The following DIAPH3 variants were observed in gnomAD, a reference collection of about 807,000 sequenced individuals.
The protein encoded by DIAPH3 is protein diaphanous homolog 3.
A neutral mutation model predicts 144.3 loss-of-function variants in DIAPH3; 117 were observed. That is an observed-to-expected ratio of 0.81 (90% confidence interval 0.70 to 0.95). The LOEUF is 0.95. Ranked by LOEUF, DIAPH3 falls within the 40% of genes least tolerant of loss-of-function variation. The pLI, the probability that DIAPH3 is intolerant of heterozygous loss-of-function variation, is 0.00. For missense variants in DIAPH3, 1,421 were observed against 1,412.7 expected (o/e 1.01, Z -0.09); for synonymous variants, 519 against 488.9 (o/e 1.06, Z -0.81).
chr13:59,909,015 A>C (rs1448868102), intron 20 of DIAPH3, among the ~76,000 whole-genome samples: 1 of 152,184 alleles, frequency 6.6e-6, no homozygotes, highest in Non-Finnish European at 1.5e-5. Context: ...ATCTAGGCTA[A>C]ATCAAGAAGT....
chr13:59,693,229 AC>A (rs2033631384), intron 27 of DIAPH3, among the ~76,000 whole-genome samples: 1 of 152,150 alleles, frequency 6.6e-6, no homozygotes. Context: ...CTGGACTGAG[AC>A]GGAAGAGGTA....
chr13:59,973,246 TACAA>T (rs1375466389), intron 15 of DIAPH3, among the ~76,000 whole-genome samples: 1 of 152,144 alleles, frequency 6.6e-6, no homozygotes, highest in African/African-American at 2.4e-5. Flanking sequence ...TCTGGAGATT[TACAA>T]ACAAACCTTC....
intron 17 of DIAPH3, among the ~76,000 whole-genome samples, chr13:59,964,459 C>A (rs2049942975): frequency 2.0e-5 from 3 of 151,892 alleles, no homozygotes. Context: ...TATAGGGATT[C>A]AAAACAGACA....
In DIAPH3 at chr13:59,861,201, C is replaced by T. The variant is rs897507138; in HGVS notation, c.2737+206G>A. The T allele has an allele frequency of 3.4e-6, 5 of 1,451,748 alleles. No individual in the cohort carries two copies. In the Admixed American group the frequency reaches 7.8e-5, roughly 23 times the overall value. The allele number at this position is 1,451,748 out of a possible 1,614,324, so 89.9% of individuals were successfully genotyped here. A position where few individuals can be genotyped will look rare whatever the true frequency, so the allele number is the denominator to read the frequency against. ...AAACAAAGTATTTTATAATATAAGG[C>T]CTCATCATCTAACTAAACAAATTAA... On this transcript the variant is annotated intron_variant, in intron 22 of 27. Coordinates refer to ENST00000400324, the MANE Select transcript of DIAPH3 (RefSeq NM_001042517.2).
At chr13:60,089,931 T>C (rs1443735595) in intron 4 of DIAPH3, among the ~76,000 whole-genome samples, 6 of 152,160 alleles carry the variant, frequency 3.9e-5, no homozygotes, top group African/African-American at 7.2e-5. Context: ...ATCAGGACTC[T>C]TTAACAGCGG....
intron 24 of DIAPH3, among the ~76,000 whole-genome samples, chr13:59,820,415 T>C (rs563879819): frequency 6.6e-6 from 1 of 152,074 alleles, no homozygotes; most frequent in South Asian, 2.1e-4. Context: ...TATATGCACA[T>C]TGTTTTTAAT....
chr13:60,144,270 T>C (rs1951405329), intron 1 of DIAPH3, among the ~76,000 whole-genome samples: 1 of 152,160 alleles, frequency 6.6e-6, no homozygotes, highest in South Asian at 2.1e-4. Context: ...AGATGGAGCC[T>C]GCCATGGATA....
At chr13:60,078,338 A>T (rs1276881470) in intron 4 of DIAPH3, among the ~76,000 whole-genome samples, 1 of 152,168 alleles carries the variant, frequency 6.6e-6, no homozygotes, top group African/African-American at 2.4e-5. Flanking sequence ...AAGAGAGAAC[A>T]GGAGCTGGTT....
In DIAPH3 at chr13:59,987,164, A is replaced by T. The variant is rs368586436; in HGVS notation, c.1362-3277T>A. On this transcript the variant is annotated intron_variant, in intron 12 of 27. Transcript: ENST00000400324. ...GCAGCCATAAAAAATGATGAGTTCA[A>T]GTCCTTTGTAGGGACATGGATGAAA... Among the ~76,000 whole-genome samples the T allele has an allele frequency of 2.2e-3, 328 of 151,698 alleles. 2 individuals carry two copies. Among genetic ancestry groups the T allele is most frequent in the African/African-American group, 7.1e-3 (295 of 41,406 alleles).
chr13:59,811,211 A>T (rs1017465338), intron 24 of DIAPH3, among the ~76,000 whole-genome samples: 2 of 149,322 alleles, frequency 1.3e-5, no homozygotes, highest in African/African-American at 2.5e-5. Context: ...AACTGAAAAT[A>T]AAAAAAAAAC....
intron 17 of DIAPH3, among the ~76,000 whole-genome samples, chr13:59,936,394 G>C (rs2140356375): frequency 6.6e-6 from 1 of 151,910 alleles, no homozygotes; most frequent in South Asian, 2.1e-4. Context: ...GGTCTCCTTG[G>C]GTATAATCAC....
chr13:59,941,687 CA>C (rs1848522393), intron 17 of DIAPH3, among the ~76,000 whole-genome samples: 6 of 152,132 alleles, frequency 3.9e-5, no homozygotes, highest in Middle Eastern at 3.4e-3. Flanking sequence ...AGTCAGCGGA[CA>C]TATTTTCAAA....
At chr13:60,069,461 G>T (rs952880599) in intron 4 of DIAPH3, among the ~76,000 whole-genome samples, 2 of 152,106 alleles carry the variant, frequency 1.3e-5, no homozygotes, top group African/African-American at 4.8e-5. Context: ...CTTTTGCTGT[G>T]AGGGTGCTCT....
At chr13:60,140,003 T>G (rs2138299855) in intron 1 of DIAPH3, among the ~76,000 whole-genome samples, 1 of 152,292 alleles carries the variant, frequency 6.6e-6, no homozygotes, top group African/African-American at 2.4e-5. Context: ...TTTCATTGTC[T>G]GGAGAAGGCT....
At chr13:59,678,995 G>A (rs1338788339) in intron 27 of DIAPH3, among the ~76,000 whole-genome samples, 1 of 152,158 alleles carries the variant, frequency 6.6e-6, no homozygotes, top group African/African-American at 2.4e-5. Context: ...TTGGATCAAT[G>A]ATTTGGGTGC....
intron 1 of DIAPH3, among the ~76,000 whole-genome samples, chr13:60,159,269 A>G (rs1466083035): frequency 6.6e-6 from 1 of 152,200 alleles, no homozygotes; most frequent in Non-Finnish European, 1.5e-5. Context: ...TGGATGAGAA[A>G]AGAAGCAGTA....
At chr13:59,679,721 T>C (rs1418037970) in intron 27 of DIAPH3, among the ~76,000 whole-genome samples, 1 of 152,050 alleles carries the variant, frequency 6.6e-6, no homozygotes, top group South Asian at 2.1e-4. Flanking sequence ...TTATAATCCA[T>C]GTGGTATTTG....
chr13:60,148,950 C>G (rs1225299352), intron 1 of DIAPH3, among the ~76,000 whole-genome samples: 2 of 152,172 alleles, frequency 1.3e-5, no homozygotes, highest in Non-Finnish European at 2.9e-5. Context: ...TGCATCTACC[C>G]GTGTGCTATG....
At chr13:60,017,530 G>C (rs965325854) in intron 5 of DIAPH3, among the ~76,000 whole-genome samples, 1 of 151,780 alleles carries the variant, frequency 6.6e-6, no homozygotes, top group Non-Finnish European at 1.5e-5. Flanking sequence ...CCAGTGAAAA[G>C]AGAATAAAAA....
Sources: gnomAD v4.1 joint callset for allele counts (sites outside exome capture counted in the v4.1 genomes callset) on GRCh38, gnomAD v4.1.1 for gene constraint, MANE v1.5 for transcripts, NCBI Gene and HGNC (gene_info 2026-07-23, HGNC 2026-07-21) for gene names.